CNTN4: variants seen among roughly 807,000 people sequenced by gnomAD.
CNTN4 encodes contactin 4.
Under a neutral mutation model 122.5 loss-of-function variants are expected in CNTN4, and 77 were observed. The observed-to-expected ratio is 0.63, with a 90% CI of 0.52 to 0.76. CNTN4 has a LOEUF of 0.76. Ranked by LOEUF, CNTN4 falls within the 30% of genes least tolerant of loss-of-function variation. The pLI is 0.00. For synonymous variants in CNTN4, 512 were observed against 447.0 expected (o/e 1.15, Z -1.83); for missense variants, 1,256 against 1,259.1 (o/e 1.00, Z 0.04).
intron 2 of CNTN4, among the ~76,000 whole-genome samples, chr3:2,212,853 A>T (rs2038681248): frequency 6.6e-6 from 1 of 152,220 alleles, no homozygotes; most frequent in African/African-American, 2.4e-5. Context: ...ACCTTGTGCA[A>T]TTCCCATATA....
intron 2 of CNTN4, among the ~76,000 whole-genome samples, chr3:2,304,185 C>A (rs1373141941): frequency 6.6e-6 from 1 of 152,172 alleles, no homozygotes; most frequent in African/African-American, 2.4e-5. Context: ...TAGATAATTT[C>A]TTTTACAATA....
At chr3:2,707,223 T>C (rs1027833665) in intron 4 of CNTN4, among the ~76,000 whole-genome samples, 1 of 151,522 alleles carries the variant, frequency 6.6e-6, no homozygotes, top group Non-Finnish European at 1.5e-5. Context: ...GGAGAGTCAC[T>C]GGAACCCAGG....
intron 2 of CNTN4, among the ~76,000 whole-genome samples, chr3:2,259,847 C>T (rs1336653564): frequency 6.6e-6 from 1 of 152,098 alleles, no homozygotes; most frequent in South Asian, 2.1e-4. Flanking sequence ...TTCACATCCT[C>T]GTATCTTTGC....
chr3:2,989,606 C>G (rs1301705754), intron 14 of CNTN4, among the ~76,000 whole-genome samples: 3 of 152,236 alleles, frequency 2.0e-5, no homozygotes, highest in African/African-American at 7.2e-5. Flanking sequence ...CTTGACCATG[C>G]AGATAGAAAA....
intron 2 of CNTN4, among the ~76,000 whole-genome samples, chr3:2,329,452 A>G (rs1460505580): frequency 6.6e-6 from 1 of 152,232 alleles, no homozygotes; most frequent in African/African-American, 2.4e-5. Flanking sequence ...CTCAACGAAG[A>G]AAGCCAGGTC....
intron 3 of CNTN4, among the ~76,000 whole-genome samples, chr3:2,394,707 A>G (rs1409195073): frequency 6.6e-6 from 1 of 151,854 alleles, no homozygotes; most frequent in Non-Finnish European, 1.5e-5. Context: ...TGACTCAGCC[A>G]TTATGTTTAT....
chr3:2,233,382 G>C (rs896625388), intron 2 of CNTN4, among the ~76,000 whole-genome samples: 3 of 152,082 alleles, frequency 2.0e-5, no homozygotes, highest in Admixed American at 6.6e-5. Context: ...TTAAGTGGTC[G>C]ATCAAGAAGC....
intron 13 of CNTN4, among the ~76,000 whole-genome samples, chr3:2,932,849 G>T (rs1003178843): frequency 6.7e-6 from 1 of 148,654 alleles, no homozygotes; most frequent in African/African-American, 2.5e-5. Context: ...TAGAGACGGA[G>T]TCTCGCTCTG....
At chr3:2,268,297 A>T (rs1367596917) in intron 2 of CNTN4, among the ~76,000 whole-genome samples, 1 of 151,984 alleles carries the variant, frequency 6.6e-6, no homozygotes, top group Non-Finnish European at 1.5e-5. Context: ...GTTATTATGG[A>T]TCAGAATTGA....
intron 4 of CNTN4, among the ~76,000 whole-genome samples, chr3:2,697,695 G>C (rs759096966): frequency 2.6e-5 from 4 of 152,048 alleles, no homozygotes; most frequent in Admixed American, 6.5e-5. Flanking sequence ...AGAAGCAACC[G>C]ATACGATGCA....
chr3:2,416,485 AAC>A (rs1201211503), intron 3 of CNTN4, among the ~76,000 whole-genome samples: 1 of 152,216 alleles, frequency 6.6e-6, no homozygotes, highest in Non-Finnish European at 1.5e-5. Context: ...TGAGGAAATC[AAC>A]ACACTGAAGT....
At chr3:2,981,689 G>T (rs897436365) in intron 13 of CNTN4, among the ~76,000 whole-genome samples, 1 of 152,074 alleles carries the variant, frequency 6.6e-6, no homozygotes, top group Non-Finnish European at 1.5e-5. Context: ...CCTTGAGCTA[G>T]CCAAATTTGT....
At chr3:2,583,986 T>C (rs1332083988) in intron 4 of CNTN4, among the ~76,000 whole-genome samples, 1 of 152,186 alleles carries the variant, frequency 6.6e-6, no homozygotes, top group Non-Finnish European at 1.5e-5. Flanking sequence ...AAGATCATGG[T>C]CCTGGGGCTG....
At chr3:2,429,524 A>C (rs1016118504) in intron 3 of CNTN4, among the ~76,000 whole-genome samples, 1 of 152,068 alleles carries the variant, frequency 6.6e-6, no homozygotes, top group Non-Finnish European at 1.5e-5. Context: ...GGCTACTTGG[A>C]GGTCAGGGAC....
intron 2 of CNTN4, among the ~76,000 whole-genome samples, chr3:2,228,450 G>A (rs1434684353): frequency 1.3e-5 from 2 of 152,114 alleles, no homozygotes; most frequent in East Asian, 3.9e-4. Context: ...AGCTCTGAGA[G>A]TCTGTATGGC....
At chr3:2,421,403 C>G (rs1368232187) in intron 3 of CNTN4, among the ~76,000 whole-genome samples, 1 of 152,060 alleles carries the variant, frequency 6.6e-6, no homozygotes, top group Non-Finnish European at 1.5e-5. Context: ...AGGCACTTGC[C>G]ACCATGCCCA....
chr3:2,943,914 A>C (rs534342698), intron 13 of CNTN4, among the ~76,000 whole-genome samples: 3 of 152,090 alleles, frequency 2.0e-5, no homozygotes, highest in Admixed American at 1.3e-4. Context: ...GTTCCCTAGC[A>C]ATTGATTTGG....
chr3:2,366,050 C>T (rs767872858), intron 3 of CNTN4, among the ~76,000 whole-genome samples: 1 of 152,118 alleles, frequency 6.6e-6, no homozygotes, highest in Non-Finnish European at 1.5e-5. Flanking sequence ...TTTATCCATA[C>T]CCAACATGGC....
intron 3 of CNTN4, among the ~76,000 whole-genome samples, chr3:2,470,270 G>A (rs1039911024): frequency 2.0e-5 from 3 of 151,976 alleles, no homozygotes; most frequent in African/African-American, 7.3e-5. Context: ...TAGAGACGGG[G>A]TTTCACCGTG....
Sources: allele counts gnomAD v4.1 joint callset (sites outside exome capture counted in the v4.1 genomes callset), GRCh38; gene constraint gnomAD v4.1.1; transcripts MANE v1.5; gene names NCBI Gene and HGNC (gene_info 2026-07-23, HGNC 2026-07-21).